POR: variants seen among roughly 807,000 people sequenced by gnomAD.
POR encodes the protein cytochrome p450 oxidoreductase, also known as NADPH--cytochrome P450 reductase.
POR carries 56 observed loss-of-function variants against 84.0 expected under a neutral mutation model. The observed-to-expected ratio is 0.67, with a 90% CI of 0.54 to 0.83. The LOEUF (loss-of-function observed/expected upper bound fraction) is 0.83. POR is among the 40% of genes least tolerant of loss of function. POR has a pLI of 0.00. For synonymous variants in POR, 414 were observed against 400.5 expected (o/e 1.03, Z -0.40); for missense variants, 938 against 944.3 (o/e 0.99, Z 0.09).
chr7:75,928,936 G>C (rs1049890088), intron 1 of POR, among the ~76,000 whole-genome samples: 2 of 152,102 alleles, frequency 1.3e-5, no homozygotes, highest in East Asian at 1.9e-4. Context: ...GTCTAAAGGA[G>C]CATCTTGGGT....
At chr7:75,972,352 C>T (rs1421621312) in intron 2 of POR, 61 bp from the exon 3 acceptor site, 22 of 1,471,358 alleles carry the variant, frequency 1.5e-5, no homozygotes, top group East Asian at 1.2e-4. Context: ...ACCCACGTCC[C>T]GTGACACCTG....
intron 1 of POR, among the ~76,000 whole-genome samples, chr7:75,917,380 CTTCTTTTTTTTT>C (rs1806622967): frequency 7.9e-6 from 1 of 125,976 alleles, no homozygotes; most frequent in African/African-American, 4.0e-5. Context: ...CTTATTTCTT[CTTCTTTTTTTTT>C]TTTTTTTTTC....
At chr7:75,931,383 T>TTATG (rs2116275122) in intron 1 of POR, among the ~76,000 whole-genome samples, 1 of 148,594 alleles carries the variant, frequency 6.7e-6, no homozygotes, top group Admixed American at 6.8e-5. Context: ...ATTTATTTAT[T>TTATG]TGAGACACAG....
At chr7:75,984,538 G>T (rs1485616946) in intron 10 of POR, among the ~76,000 whole-genome samples, 1 of 152,200 alleles carries the variant, frequency 6.6e-6, no homozygotes, top group East Asian at 1.9e-4. Context: ...GTGTGCAGGG[G>T]CTCCCCCGCA....
intron 10 of POR, among the ~76,000 whole-genome samples, chr7:75,984,339 G>A (rs1789274306): frequency 6.6e-6 from 1 of 152,162 alleles, no homozygotes; most frequent in African/African-American, 2.4e-5. Flanking sequence ...GCCTCCCGCT[G>A]TGAAGCCCTC....
intron 2 of POR, 21 bp downstream of exon 2, chr7:75,954,201 T>C (rs781876297): frequency 6.3e-7 from 1 of 1,587,448 alleles, no homozygotes; most frequent in East Asian, 2.3e-5. Flanking sequence ...CCTCTCAGCC[T>C]CCTCTCTCTG....
chr7:75,953,430 A>G (rs1037390160), intron 1 of POR, among the ~76,000 whole-genome samples: 11 of 152,010 alleles, frequency 7.2e-5, no homozygotes, highest in African/African-American at 2.7e-4. Flanking sequence ...AACAGGAACT[A>G]CCTTCATAGC....
In POR at chr7:75,954,071, A is replaced by G; in HGVS notation, c.79A>G (p.Ser27Gly). ...GGTGGCCGAAGAAGTATCTCTTTTC[A>G]GCATGACGGACATGATTCTGTTTTC... is the stretch of plus-strand genomic sequence containing the variant. The change falls in exon 2 of 16, where the codon AGC (serine) becomes GGC (glycine). Residue 27 changes from serine (S) to glycine (G), a missense_variant. Coordinates refer to ENST00000461988, the MANE Select transcript of POR (RefSeq NM_000941.3). 2 of 1,612,750 alleles carry G rather than the reference A, an allele frequency of 1.2e-6. No individual in the cohort carries two copies. Among genetic ancestry groups the G allele is most frequent in the Non-Finnish European group, 1.7e-6 (2 of 1,179,346 alleles).
At chr7:75,973,674 CTTTTTT>C (rs35274225) in intron 3 of POR, among the ~76,000 whole-genome samples, 1 of 64,932 alleles carries the variant, frequency 1.5e-5, no homozygotes, top group Admixed American at 2.7e-4. Flanking sequence ...CCAGACCTTG[CTTTTTT>C]TTTTTTTTTT....
chr7:75,975,434 G>A (rs989380437), intron 3 of POR, among the ~76,000 whole-genome samples: 4 of 152,126 alleles, frequency 2.6e-5, no homozygotes, highest in Admixed American at 2.6e-4. Flanking sequence ...GAGCCCAGGA[G>A]TTTGAGACCA....
At chr7:75,936,810 CTTA>C (rs1194971224) in intron 1 of POR, among the ~76,000 whole-genome samples, 1 of 148,530 alleles carries the variant, frequency 6.7e-6, no homozygotes, top group East Asian at 2.0e-4. Flanking sequence ...CTCTGTTTCT[CTTA>C]TTATTATTAA....
chr7:75,923,215 C>T (rs1255945271), intron 1 of POR: 1 of 1,113,346 alleles, frequency 9.0e-7, no homozygotes, highest in Non-Finnish European at 1.3e-6. Flanking sequence ...TCTGACAACA[C>T]AGTGATTGAG....
In POR at chr7:75,985,206, A is replaced by G. The variant is rs1789352582; in HGVS notation, c.1397A>G (p.Lys466Arg). Residue 466 changes from lysine (K) to arginine (R), a missense_variant and splice_region_variant, in exon 12 of 16, where the codon AAG becomes AGG. Coordinates refer to ENST00000461988, the MANE Select transcript of POR (RefSeq NM_000941.3). ...TACTACTCCATCGCCTCATCCTCCA[A>G]GGTGAGGGCCGGCACTGCCCTGCCA... The G allele has an allele frequency of 6.3e-7, 1 of 1,588,780 alleles. No homozygotes were observed. The highest frequency in any genetic ancestry group is 8.5e-7 in the Non-Finnish European group (1 of 1,172,518).
At chr7:75,969,001 G>C (rs1183375814) in intron 2 of POR, among the ~76,000 whole-genome samples, 2 of 152,198 alleles carry the variant, frequency 1.3e-5, no homozygotes, top group African/African-American at 2.4e-5. Context: ...TTCTATTCCT[G>C]AGAAGACAGC....
intron 3 of POR, among the ~76,000 whole-genome samples, chr7:75,975,089 G>A (rs1157333847): frequency 1.3e-5 from 2 of 151,934 alleles, no homozygotes; most frequent in Admixed American, 6.6e-5. Flanking sequence ...CTTTCTTTTC[G>A]TGACTTCTGG....
chr7:75,980,904 G>C, intron 5 of POR, 144 bp from the exon 6 acceptor site: 1 of 1,151,410 alleles, frequency 8.7e-7, no homozygotes, highest in Non-Finnish European at 1.2e-6. Flanking sequence ...GTTCCTTGCA[G>C]TGCGAGGCGC....
At position 75,958,115 on chromosome 7, in the gene POR, A is replaced by G. The variant is rs532595070; in HGVS notation, c.188+3935A>G. Among the ~76,000 whole-genome samples, 5 of 152,154 alleles carry G rather than the reference A, an allele frequency of 3.3e-5. No individual in the cohort carries two copies. The South Asian group carries it at 1.0e-3, about 32-fold the overall frequency. ...AGGCTCTCAGGTGTTATGGATTGTT[A>G]CTATTTATTTATTTATTTTGAGGCA... On this transcript the variant is annotated intron_variant, in intron 2 of 15. Coordinates refer to ENST00000461988, the MANE Select transcript of POR (RefSeq NM_000941.3).
intron 1 of POR, among the ~76,000 whole-genome samples, chr7:75,939,852 C>G (rs538633878): frequency 9.9e-5 from 15 of 152,020 alleles, no homozygotes; most frequent in Non-Finnish European, 2.2e-4. Context: ...AAGTGATCCA[C>G]CCGCCTCAGC....
chr7:75,977,141 C>A (rs530566937), intron 3 of POR, among the ~76,000 whole-genome samples: 1 of 152,166 alleles, frequency 6.6e-6, no homozygotes, highest in Non-Finnish European at 1.5e-5. Flanking sequence ...AAGTGAGCCA[C>A]GGCACCCGGC....
Sources: allele counts gnomAD v4.1 joint callset (sites outside exome capture counted in the v4.1 genomes callset), GRCh38; gene constraint gnomAD v4.1.1; transcripts MANE v1.5; gene names NCBI Gene and HGNC (gene_info 2026-07-23, HGNC 2026-07-21).